The following CLEC4A variants were observed in gnomAD, a reference collection of about 807,000 sequenced individuals.
CLEC4A encodes the protein C-type lectin domain family 4 member A.
Under a neutral mutation model 32.7 loss-of-function variants are expected in CLEC4A, and 27 were observed. The ratio of observed to expected loss-of-function variants is 0.83; its 90% CI spans 0.61 to 1.14. The LOEUF (loss-of-function observed/expected upper bound fraction) is 1.14, where lower values mean the gene tolerates loss of function less well. Ranked by LOEUF, CLEC4A falls within the 50% of genes most tolerant of loss-of-function variation. CLEC4A has a pLI of 0.00. For missense variants in CLEC4A, 253 were observed against 274.6 expected, an observed-to-expected ratio of 0.92 and a Z score of 0.55; for synonymous variants, 89 against 93.7, an observed-to-expected ratio of 0.95 and a Z score of 0.29.
chr12:8,113,322 T>G, the CLEC4A span, among the ~76,000 whole-genome samples: 2 of 152,248 alleles, frequency 1.3e-5, no homozygotes, highest in Middle Eastern at 3.4e-3. Flanking sequence ...CTGCATAGTA[T>G]TCCATGGTGT....
At chr12:8,127,229 G>T (rs777633468) in intron 2 of CLEC4A, among the ~76,000 whole-genome samples, 2 of 152,170 alleles carry the variant, frequency 1.3e-5, no homozygotes, top group African/African-American at 4.8e-5. Flanking sequence ...ATTTGGCCAC[G>T]TTTCTCTTAT....
the CLEC4A span, among the ~76,000 whole-genome samples, chr12:8,117,724 A>G: frequency 6.6e-6 from 1 of 151,962 alleles, no homozygotes; most frequent in Non-Finnish European, 1.5e-5. Flanking sequence ...CCTCTATTTC[A>G]CTTCTATAGC....
chr12:8,127,050 C>T (rs757868968), intron 2 of CLEC4A, among the ~76,000 whole-genome samples: 2 of 152,186 alleles, frequency 1.3e-5, no homozygotes, highest in African/African-American at 2.4e-5. Flanking sequence ...TGGATTAAAA[C>T]AGCAACTATT....
intron 3 of CLEC4A, among the ~76,000 whole-genome samples, chr12:8,130,135 C>T (rs1947973004): frequency 1.3e-5 from 2 of 152,070 alleles, no homozygotes; most frequent in Non-Finnish European, 2.9e-5. Flanking sequence ...GGTGCCTGGT[C>T]CTAAAATTCG....
chr12:8,105,218 T>C, the CLEC4A span, among the ~76,000 whole-genome samples: 1 of 152,218 alleles, frequency 6.6e-6, no homozygotes, highest in South Asian at 2.1e-4. Flanking sequence ...GTTCCCTTTT[T>C]CCTGCAGCCT....
intron 3 of CLEC4A, 59 bp from the exon 4 acceptor site, chr12:8,135,526 C>A: frequency 6.5e-7 from 1 of 1,549,316 alleles, no homozygotes; most frequent in Non-Finnish European, 8.8e-7. Flanking sequence ...TTTAATAATA[C>A]ACACACTTTT....
chr12:8,128,903 G>T (rs1435473642), intron 2 of CLEC4A, among the ~76,000 whole-genome samples: 1 of 152,018 alleles, frequency 6.6e-6, no homozygotes, highest in Non-Finnish European at 1.5e-5. Context: ...GAATTAATTT[G>T]CCCCTCTCCC....
chr12:8,125,696 C>A lies in CLEC4A; in HGVS notation c.199+19C>A. The A allele has an allele frequency of 2.1e-6, 3 of 1,404,482 alleles. No individual in the cohort carries two copies. Among genetic ancestry groups the A allele is most frequent in the Non-Finnish European group, 3.0e-6 (3 of 989,586 alleles). The allele number at this position is 1,404,482 out of a possible 1,614,324, so 87.0% of individuals were successfully genotyped here. The stretch of plus-strand genomic sequence containing the variant: ...TTTGTCAGTAAGTATGCCAACTGAA[C>A]CAATAAGCAATATCTGCTGTCCATG... On this transcript the variant is annotated intron_variant, in intron 2 of 5. Coordinates refer to ENST00000229332, the MANE Select transcript of CLEC4A (RefSeq NM_016184.4).
chr12:8,123,227 A>G (rs1360446028), upstream of CLEC4A, among the ~76,000 whole-genome samples: 1 of 152,226 alleles, frequency 6.6e-6, no homozygotes, highest in Non-Finnish European at 1.5e-5. Flanking sequence ...GACTTTTGAT[A>G]GAGTTAGTTA....
At chr12:8,104,451 A>C in the CLEC4A span, among the ~76,000 whole-genome samples, 1 of 152,200 alleles carries the variant, frequency 6.6e-6, no homozygotes, top group African/African-American at 2.4e-5. Flanking sequence ...GTGCATACGA[A>C]AGCCTACGGC....
At chr12:8,122,002 G>A (rs1475437427), upstream of CLEC4A, among the ~76,000 whole-genome samples, 1 of 152,044 alleles carries the variant, frequency 6.6e-6, no homozygotes, top group Admixed American at 6.5e-5. Flanking sequence ...TCCTTGCAGA[G>A]GGTAGACCTG....
chr12:8,136,753 T>C, intron 4 of CLEC4A, 35 bp from the exon 5 acceptor site: 4 of 1,314,808 alleles, frequency 3.0e-6, no homozygotes, highest in Non-Finnish European at 4.4e-6. Flanking sequence ...AGCTGAATAC[T>C]GTAAAGGCTG....
At chr12:8,124,615 A>C (rs1356390565) in intron 1 of CLEC4A, among the ~76,000 whole-genome samples, 1 of 152,192 alleles carries the variant, frequency 6.6e-6, no homozygotes, top group Non-Finnish European at 1.5e-5. Context: ...GTATAGAGCA[A>C]AAGAGAGAAA....
chr12:8,134,545 C>A, intron 3 of CLEC4A: 1 of 1,613,750 alleles, frequency 6.2e-7, no homozygotes, highest in Non-Finnish European at 8.5e-7. Flanking sequence ...TTGCTCTCCA[C>A]CCCGACTCCT....
Position 8,130,639 on chromosome 12 carries a change from C to T in CLEC4A, c.298+1277C>T, listed in dbSNP as rs541847400. 1.3e-3 allele frequency among the ~76,000 whole-genome samples: 203 copies of T among 152,306 alleles called. 1 individual carries two copies. Among genetic ancestry groups the T allele is most frequent in the Non-Finnish European group, 2.2e-3 (149 of 68,032 alleles). On this transcript the variant is annotated intron_variant, in intron 3 of 5. Transcript: ENST00000229332. ...TCAAGCAATCCTCCCACCTCAGCCT[C>T]CCCGTGCTGGGATTACAGGAGTGAG... is the stretch of plus-strand genomic sequence containing the variant.
At chr12:8,128,689 G>A (rs1233088885) in intron 2 of CLEC4A, among the ~76,000 whole-genome samples, 3 of 152,164 alleles carry the variant, frequency 2.0e-5, no homozygotes, top group Non-Finnish European at 4.4e-5. Context: ...GAGCCAATGT[G>A]CCCGGCCAAA....
At chr12:8,103,278 C>T in the CLEC4A span, among the ~76,000 whole-genome samples, 3 of 150,884 alleles carry the variant, frequency 2.0e-5, no homozygotes, top group East Asian at 5.9e-4. Flanking sequence ...TTATAAAGTC[C>T]AAAATATAAT....
upstream of CLEC4A, among the ~76,000 whole-genome samples, chr12:8,119,466 C>A (rs1388803253): frequency 2.1e-4 from 32 of 152,188 alleles, no homozygotes; most frequent in Admixed American, 2.1e-3. Flanking sequence ...TTAGGTGATC[C>A]ACCCGCCTTG....
At chr12:8,134,901 T>A (rs1489201664) in intron 3 of CLEC4A, 10 of 1,451,480 alleles carry the variant, frequency 6.9e-6, no homozygotes, top group Middle Eastern at 2.3e-4. Flanking sequence ...TTTCTTTATA[T>A]CTTCTAGTTC....
Sources: allele counts gnomAD v4.1 joint callset (sites outside exome capture counted in the v4.1 genomes callset), GRCh38; gene constraint gnomAD v4.1.1; transcripts MANE v1.5; gene names NCBI Gene and HGNC (gene_info 2026-07-23, HGNC 2026-07-21).